Variants in SCFD2 observed in about 807,000 individuals in gnomAD.
SCFD2 encodes sec1 family domain-containing protein 2.
A neutral mutation model predicts 58.9 loss-of-function variants in SCFD2; 54 were observed. That is an observed-to-expected ratio of 0.92 (90% CI 0.74 to 1.15). The LOEUF is 1.15. Ranked by LOEUF, SCFD2 falls within the 50% of genes most tolerant of loss-of-function variation. The probability of loss-of-function intolerance (pLI) is 0.00; values close to 1 mark genes in which losing one functional copy is unlikely to be tolerated. For synonymous variants in SCFD2, 321 were observed against 335.9 expected (o/e 0.96, Z 0.49); for missense variants, 805 against 836.6 (o/e 0.96, Z 0.47).
intron 5 of SCFD2, among the ~76,000 whole-genome samples, chr4:53,031,551 G>C (rs375296934): frequency 3.9e-5 from 6 of 152,134 alleles, no homozygotes. Flanking sequence ...AAGTTTAGAC[G>C]AACTGCCCAC....
intron 5 of SCFD2, among the ~76,000 whole-genome samples, chr4:53,082,563 A>C (rs1275392897): frequency 1.3e-5 from 2 of 152,110 alleles, no homozygotes; most frequent in Non-Finnish European, 2.9e-5. Context: ...AGTTAGTAAA[A>C]CATTATTTTT....
intron 4 of SCFD2, among the ~76,000 whole-genome samples, chr4:53,251,943 T>A (rs1256353512): frequency 6.6e-6 from 1 of 152,048 alleles, no homozygotes; most frequent in Non-Finnish European, 1.5e-5. Context: ...GAAGTCAAAT[T>A]GTCCCTGTTT....
intron 8 of SCFD2, among the ~76,000 whole-genome samples, chr4:52,879,376 G>A (rs950333613): frequency 6.6e-6 from 1 of 152,228 alleles, no homozygotes; most frequent in Non-Finnish European, 1.5e-5. Context: ...TGTTTTTGAA[G>A]AGCCTGAACG....
intron 4 of SCFD2, among the ~76,000 whole-genome samples, chr4:53,235,880 A>G (rs1378417215): frequency 3.3e-5 from 5 of 152,236 alleles, no homozygotes; most frequent in Non-Finnish European, 7.3e-5. Flanking sequence ...TGGAGTAAAT[A>G]CTGAATAACC....
At chr4:53,202,940 G>A (rs1462551525) in intron 4 of SCFD2, among the ~76,000 whole-genome samples, 1 of 152,192 alleles carries the variant, frequency 6.6e-6, no homozygotes, top group Non-Finnish European at 1.5e-5. Context: ...AGACAATGGG[G>A]TTATCTAGAT....
intron 5 of SCFD2, among the ~76,000 whole-genome samples, chr4:52,969,681 C>T (rs1241059854): frequency 6.6e-6 from 1 of 152,206 alleles, no homozygotes; most frequent in Non-Finnish European, 1.5e-5. Context: ...CTGATGAGGT[C>T]TGACCCCTTG....
At chr4:53,212,483 T>TA (rs577178068) in intron 4 of SCFD2, among the ~76,000 whole-genome samples, 3 of 139,122 alleles carry the variant, frequency 2.2e-5, no homozygotes, top group South Asian at 2.4e-4. Context: ...AATAAATAAA[T>TA]AATAATAATA....
At chr4:53,202,284 TC>T (rs1430684104) in intron 4 of SCFD2, among the ~76,000 whole-genome samples, 1 of 152,220 alleles carries the variant, frequency 6.6e-6, no homozygotes, top group Non-Finnish European at 1.5e-5. Context: ...TAATAGGGAA[TC>T]CTTTCCCCAT....
At chr4:52,935,029 CT>C (rs1444058147) in intron 5 of SCFD2, among the ~76,000 whole-genome samples, 1 of 152,210 alleles carries the variant, frequency 6.6e-6, no homozygotes, top group Non-Finnish European at 1.5e-5. Flanking sequence ...GACAGGGGAT[CT>C]CAATTTTAAA....
At chr4:53,299,228 A>C (rs1732172983) in intron 3 of SCFD2, among the ~76,000 whole-genome samples, 1 of 152,196 alleles carries the variant, frequency 6.6e-6, no homozygotes, top group Admixed American at 6.5e-5. Flanking sequence ...AACTAGAATA[A>C]CCAATGCAGA....
At chr4:53,009,686 T>C (rs1371442082) in intron 5 of SCFD2, among the ~76,000 whole-genome samples, 1 of 152,202 alleles carries the variant, frequency 6.6e-6, no homozygotes, top group Non-Finnish European at 1.5e-5. Context: ...AACCTCCATT[T>C]CTACAGACTG....
At chr4:53,268,285 G>A (rs1191232321) in intron 4 of SCFD2, among the ~76,000 whole-genome samples, 1 of 152,112 alleles carries the variant, frequency 6.6e-6, no homozygotes, top group Non-Finnish European at 1.5e-5. Context: ...TGGTGGAAGT[G>A]AGGATCCAGG....
At chr4:53,232,007 C>T (rs1203246192) in intron 4 of SCFD2, among the ~76,000 whole-genome samples, 3 of 152,158 alleles carry the variant, frequency 2.0e-5, no homozygotes, top group South Asian at 4.1e-4. Flanking sequence ...AAAACAAAAA[C>T]TAGTGGGTAT....
intron 4 of SCFD2, among the ~76,000 whole-genome samples, chr4:53,229,192 T>C (rs1729338295): frequency 6.6e-6 from 1 of 152,172 alleles, no homozygotes; most frequent in Non-Finnish European, 1.5e-5. Flanking sequence ...ATGGCCATAC[T>C]GCCCAAGGTA....
chr4:53,223,189 T>C (rs1300580362), intron 4 of SCFD2, among the ~76,000 whole-genome samples: 2 of 152,218 alleles, frequency 1.3e-5, no homozygotes, highest in African/African-American at 2.4e-5. Flanking sequence ...ATTCTTCTCT[T>C]TTTTTAGTTT....
intron 5 of SCFD2, among the ~76,000 whole-genome samples, chr4:53,058,926 A>G (rs1408943291): frequency 6.6e-6 from 1 of 152,168 alleles, no homozygotes; most frequent in African/African-American, 2.4e-5. Flanking sequence ...AAGCACACAG[A>G]CAAGTGGCAA....
intron 5 of SCFD2, among the ~76,000 whole-genome samples, chr4:53,142,201 A>T (rs557897993): frequency 1.1e-4 from 16 of 152,254 alleles, no homozygotes; most frequent in African/African-American, 3.6e-4. Flanking sequence ...TGTGTTTGTG[A>T]TTTTCAGGAT....
chr4:53,018,753 G>A (rs1019838769), intron 5 of SCFD2, among the ~76,000 whole-genome samples: 3 of 152,072 alleles, frequency 2.0e-5, no homozygotes, highest in African/African-American at 4.8e-5. Context: ...CAAAACTTAC[G>A]CCAGCCTGAC....
At chr4:53,310,565 C>G (rs1732660013) in intron 3 of SCFD2, among the ~76,000 whole-genome samples, 1 of 152,152 alleles carries the variant, frequency 6.6e-6, no homozygotes, top group Admixed American at 6.5e-5. Flanking sequence ...ATTATGAAAG[C>G]CAGTGGGAAA....
Sources: gnomAD v4.1 joint callset for allele counts (sites outside exome capture counted in the v4.1 genomes callset) on GRCh38, gnomAD v4.1.1 for gene constraint, MANE v1.5 for transcripts, NCBI Gene and HGNC (gene_info 2026-07-23, HGNC 2026-07-21) for gene names.